Variants in ACTR3C observed in about 807,000 individuals in gnomAD.
ACTR3C encodes actin-related protein 3C.
A neutral mutation model predicts 26.3 loss-of-function variants in ACTR3C; 18 were observed. The observed-to-expected ratio is 0.68, with a 90% CI of 0.47 to 1.01. ACTR3C has a LOEUF of 1.01. Among genes scored for constraint, ACTR3C ranks in the 50% least tolerant of loss-of-function variants. ACTR3C has a pLI of 0.00. For missense variants in ACTR3C, 184 were observed against 250.7 expected, an observed-to-expected ratio of 0.73 and a Z score of 1.80; for synonymous variants, 55 against 94.5, an observed-to-expected ratio of 0.58 and a Z score of 2.42.
chr7:150,317,367 C>T (rs1797038852), intron 1 of ACTR3C, among the ~76,000 whole-genome samples: 1 of 152,158 alleles, frequency 6.6e-6, no homozygotes, highest in Non-Finnish European at 1.5e-5. Flanking sequence ...TTTGTATTTT[C>T]TAACTGGTGG....
the ACTR3C span, among the ~76,000 whole-genome samples, chr7:150,198,874 C>T: frequency 1.3e-5 from 2 of 148,788 alleles, no homozygotes; most frequent in Non-Finnish European, 3.0e-5. Flanking sequence ...CTGGCCGCCC[C>T]TGCTGGGAAG....
chr7:150,147,533 TTCTC>T, the ACTR3C span, among the ~76,000 whole-genome samples: 21 of 152,362 alleles, frequency 1.4e-4, no homozygotes, highest in Admixed American at 4.6e-4. Flanking sequence ...TGCATTTATA[TTCTC>T]TCTCTTTCAT....
chr7:150,057,365 C>T, the ACTR3C span, among the ~76,000 whole-genome samples: 4 of 150,396 alleles, frequency 2.7e-5, no homozygotes, highest in Non-Finnish European at 5.9e-5. Context: ...ACTGCAAACT[C>T]CACCTGCTGG....
chr7:149,929,529 CTTTTTT>C, the ACTR3C span, among the ~76,000 whole-genome samples: 23 of 109,146 alleles, frequency 2.1e-4, no homozygotes, highest in Admixed American at 3.0e-4. Context: ...CCACAAATGA[CTTTTTT>C]TTTTTTTTTT....
chr7:150,085,227 C>T, the ACTR3C span, among the ~76,000 whole-genome samples: 1 of 152,156 alleles, frequency 6.6e-6, no homozygotes, highest in Non-Finnish European at 1.5e-5. Context: ...GAAGATAAGG[C>T]TTGACATGTA....
At chr7:150,036,265 G>T in the ACTR3C span, among the ~76,000 whole-genome samples, 2 of 147,454 alleles carry the variant, frequency 1.4e-5, 1 homozygote, top group Non-Finnish European at 3.1e-5. Flanking sequence ...CCAAGAATCA[G>T]CTTATTTGCT....
At chr7:150,008,648 C>T in the ACTR3C span, among the ~76,000 whole-genome samples, 2 of 150,762 alleles carry the variant, frequency 1.3e-5, no homozygotes, top group African/African-American at 4.9e-5. Flanking sequence ...CTCCATAGCA[C>T]TAGCTGCCCA....
the ACTR3C span, among the ~76,000 whole-genome samples, chr7:149,944,684 C>T: frequency 6.6e-6 from 1 of 151,892 alleles, no homozygotes; most frequent in African/African-American, 2.4e-5. Context: ...TCCTCCTTCA[C>T]CTGCTCTCTT....
the ACTR3C span, among the ~76,000 whole-genome samples, chr7:149,937,648 A>G: frequency 6.6e-6 from 1 of 152,140 alleles, no homozygotes; most frequent in Non-Finnish European, 1.5e-5. Context: ...GGAACTGAAG[A>G]AACAGGAACC....
the ACTR3C span, among the ~76,000 whole-genome samples, chr7:150,018,142 C>T: frequency 6.7e-6 from 1 of 150,042 alleles, no homozygotes; most frequent in Non-Finnish European, 1.5e-5. Context: ...GAGTCTAGCT[C>T]TGTCCCCCAG....
chr7:150,173,215 A>G, the ACTR3C span, among the ~76,000 whole-genome samples: 1 of 149,744 alleles, frequency 6.7e-6, no homozygotes, highest in Non-Finnish European at 1.5e-5. Context: ...CTGCTCCTGC[A>G]GCAAACTTCT....
chr7:150,053,835 G>C, the ACTR3C span, among the ~76,000 whole-genome samples: 1 of 152,206 alleles, frequency 6.6e-6, no homozygotes, highest in Admixed American at 6.5e-5. Context: ...ATAAAGGAAG[G>C]GGGTATAGTG....
the ACTR3C span, among the ~76,000 whole-genome samples, chr7:150,064,616 G>C: frequency 0.13 from 19,076 of 144,776 alleles, 1,363 homozygotes; most frequent in South Asian, 0.24. Context: ...TTGTTAAAAA[G>C]AATAAACACT....
the ACTR3C span, among the ~76,000 whole-genome samples, chr7:150,188,213 T>G: frequency 4.1e-3 from 631 of 152,180 alleles, 1 homozygote; most frequent in African/African-American, 0.014. Context: ...AATAATAGAG[T>G]TTATAGCTTT....
the ACTR3C span, among the ~76,000 whole-genome samples, chr7:150,138,166 G>C: frequency 2.0e-5 from 3 of 152,328 alleles, no homozygotes; most frequent in Admixed American, 1.3e-4. Context: ...ATGATGGTGG[G>C]TGGTTGTGAC....
the ACTR3C span, among the ~76,000 whole-genome samples, chr7:150,050,323 A>G: frequency 6.6e-6 from 1 of 152,248 alleles, no homozygotes; most frequent in Non-Finnish European, 1.5e-5. Context: ...TAGTTTATGT[A>G]TCATACATGA....
chr7:150,064,941 T>C, the ACTR3C span, among the ~76,000 whole-genome samples: 1 of 152,178 alleles, frequency 6.6e-6, no homozygotes, highest in African/African-American at 2.4e-5. Flanking sequence ...TGGATTTCTG[T>C]GGATGAGACA....
the ACTR3C span, among the ~76,000 whole-genome samples, chr7:150,106,646 T>G: frequency 7.4e-6 from 1 of 134,334 alleles, no homozygotes; most frequent in African/African-American, 3.2e-5. Flanking sequence ...CTTCCAGATC[T>G]AGTACTGGAT....
the ACTR3C span, among the ~76,000 whole-genome samples, chr7:150,181,176 G>A: frequency 6.6e-6 from 1 of 150,860 alleles, no homozygotes; most frequent in Non-Finnish European, 1.5e-5. Context: ...ATGCACAAAA[G>A]TCAATGCTGT....
Sources: gnomAD v4.1 joint callset for allele counts (sites outside exome capture counted in the v4.1 genomes callset) on GRCh38, gnomAD v4.1.1 for gene constraint, MANE v1.5 for transcripts, NCBI Gene and HGNC (gene_info 2026-07-23, HGNC 2026-07-21) for gene names.